RAP1GDS1: variants seen among roughly 807,000 people sequenced by gnomAD.
The protein encoded by RAP1GDS1 is RAP1, GTP-GDP dissociation stimulator 1.
RAP1GDS1 carries 35 observed loss-of-function variants against 71.1 expected under a neutral mutation model. The observed-to-expected ratio is 0.49, with a 90% CI of 0.38 to 0.65. The LOEUF (loss-of-function observed/expected upper bound fraction) is 0.65, where lower values mean the gene tolerates loss of function less well. Among genes scored for constraint, RAP1GDS1 ranks in the 30% least tolerant of loss-of-function variants. The probability of loss-of-function intolerance (pLI) is 0.00; values close to 1 mark genes in which losing one functional copy is unlikely to be tolerated. For missense variants in RAP1GDS1, 663 were observed against 706.1 expected (o/e 0.94, Z 0.69); for synonymous variants, 229 against 243.1 (o/e 0.94, Z 0.54).
intron 1 of RAP1GDS1, among the ~76,000 whole-genome samples, chr4:98,275,861 T>C (rs1292184807): frequency 6.6e-6 from 1 of 152,184 alleles, no homozygotes; most frequent in African/African-American, 2.4e-5. Context: ...CTCTTTACTG[T>C]AAACATGTAA....
At chr4:98,349,890 T>C (rs759595115) in intron 3 of RAP1GDS1, among the ~76,000 whole-genome samples, 6 of 152,166 alleles carry the variant, frequency 3.9e-5, no homozygotes, top group Non-Finnish European at 8.8e-5. Flanking sequence ...TCTTTAAAAT[T>C]AGCTAGCGAG....
intron 4 of RAP1GDS1, among the ~76,000 whole-genome samples, chr4:98,357,007 C>A (rs1738069303): frequency 6.6e-6 from 1 of 151,710 alleles, no homozygotes. Context: ...ATAGTTCTTA[C>A]TGCAAATACT....
intron 6 of RAP1GDS1, among the ~76,000 whole-genome samples, chr4:98,393,643 T>G (rs1744068195): frequency 6.6e-6 from 1 of 152,204 alleles, no homozygotes; most frequent in Non-Finnish European, 1.5e-5. Flanking sequence ...GCTGTTACAT[T>G]TTAATGTGAG....
chr4:98,429,944 T>C (rs1158949423), intron 12 of RAP1GDS1, among the ~76,000 whole-genome samples: 7 of 151,968 alleles, frequency 4.6e-5, no homozygotes, highest in Admixed American at 4.6e-4. Flanking sequence ...CACAAAAATA[T>C]GTCCACAGGA....
intron 2 of RAP1GDS1, among the ~76,000 whole-genome samples, chr4:98,323,867 C>T (rs1449731557): frequency 6.9e-6 from 1 of 145,382 alleles, no homozygotes; most frequent in Non-Finnish European, 1.5e-5. Flanking sequence ...TGGCACAAGA[C>T]AGGGATGCCC....
chr4:98,285,060 C>T (rs1725773432), intron 1 of RAP1GDS1, among the ~76,000 whole-genome samples: 2 of 151,980 alleles, frequency 1.3e-5, no homozygotes, highest in Non-Finnish European at 2.9e-5. Flanking sequence ...AATCTATGAG[C>T]GTAATAAAAT....
intron 6 of RAP1GDS1, among the ~76,000 whole-genome samples, chr4:98,399,603 T>A (rs878988067): frequency 6.6e-6 from 1 of 152,150 alleles, no homozygotes; most frequent in Non-Finnish European, 1.5e-5. Flanking sequence ...CCAGTCCCAT[T>A]TTTAAAATGG....
chr4:98,417,583 A>C, intron 9 of RAP1GDS1, 85 bp downstream of exon 9: 4 of 1,380,028 alleles, frequency 2.9e-6, no homozygotes, highest in Non-Finnish European at 4.0e-6. Flanking sequence ...TAAAACTGGA[A>C]CAGTTTAGAA....
chr4:98,316,025 A>G (rs1730887064), intron 2 of RAP1GDS1, among the ~76,000 whole-genome samples: 2 of 151,984 alleles, frequency 1.3e-5, no homozygotes, highest in African/African-American at 4.8e-5. Flanking sequence ...ATTATAAATT[A>G]TGAATTTGTA....
chr4:98,346,544 A>T (rs1302279210), intron 3 of RAP1GDS1, among the ~76,000 whole-genome samples: 1 of 151,994 alleles, frequency 6.6e-6, no homozygotes, highest in African/African-American at 2.4e-5. Context: ...GTCATTTTGT[A>T]AGAATGATTA....
intron 1 of RAP1GDS1, among the ~76,000 whole-genome samples, chr4:98,272,470 C>T (rs1417113650): frequency 6.6e-6 from 1 of 152,088 alleles, no homozygotes; most frequent in Non-Finnish European, 1.5e-5. Context: ...TGAGGCAAAA[C>T]TTCATAGCTC....
At chr4:98,418,298 G>C (rs1187153784) in intron 9 of RAP1GDS1, among the ~76,000 whole-genome samples, 1 of 152,126 alleles carries the variant, frequency 6.6e-6, no homozygotes, top group Non-Finnish European at 1.5e-5. Context: ...AGCCATGATA[G>C]CAAAAGGTAG....
At chr4:98,355,771 G>A (rs893061296) in intron 4 of RAP1GDS1, among the ~76,000 whole-genome samples, 2 of 152,094 alleles carry the variant, frequency 1.3e-5, no homozygotes, top group African/African-American at 4.8e-5. Flanking sequence ...GCCCATTTTA[G>A]GAACTTTTCC....
chr4:98,273,887 T>A (rs1227181938), intron 1 of RAP1GDS1, among the ~76,000 whole-genome samples: 1 of 152,204 alleles, frequency 6.6e-6, no homozygotes, highest in African/African-American at 2.4e-5. Context: ...CTCAATTGCA[T>A]GGTTAAATGG....
chr4:98,428,215 G>A (rs938543725), intron 12 of RAP1GDS1, among the ~76,000 whole-genome samples: 2 of 152,034 alleles, frequency 1.3e-5, no homozygotes, highest in Non-Finnish European at 2.9e-5. Context: ...GATGGATCAA[G>A]GACTTAAATC....
At position 98,408,104 on chromosome 4, in the gene RAP1GDS1, ATT is replaced by A. The variant is rs56998297; in HGVS notation, c.763+3512_763+3513del. On this transcript the variant is annotated intron_variant, in intron 7 of 14. Transcript: ENST00000408927. ...GCCCATATATTTTATATATATATATATTTTTTTTTTTCCCTCCCCCGCAAGAT... is the reference window on the plus strand; with the variant it reads ...GCCCATATATTTTATATATATATATATTTTTTTTTCCCTCCCCCGCAAGAT... 2.9e-3 allele frequency among the ~76,000 whole-genome samples: 405 copies of A among 137,408 alleles called. 2 individuals carry two copies. The highest frequency in any genetic ancestry group is 0.011 in the African/African-American group (389 of 36,580). The allele number at this position is 137,408 out of a possible 152,430, so 90.1% of individuals were successfully genotyped here.
chr4:98,337,426 T>A (rs1252643160), intron 2 of RAP1GDS1, among the ~76,000 whole-genome samples: 1 of 152,212 alleles, frequency 6.6e-6, no homozygotes, highest in South Asian at 2.1e-4. Context: ...ATGACAGTTG[T>A]AGTAGGAAGA....
At position 98,404,471 on chromosome 4, in the gene RAP1GDS1, T is replaced by G; in HGVS notation, c.638-6T>G. 1 of 1,571,614 alleles carries G rather than the reference T, an allele frequency of 6.4e-7. No individual in the cohort carries two copies. Among genetic ancestry groups the G allele is most frequent in the Non-Finnish European group, 8.6e-7 (1 of 1,167,772 alleles). On this transcript the variant is annotated splice_polypyrimidine_tract_variant and splice_region_variant and intron_variant, in intron 6 of 14. Coordinates refer to ENST00000408927, the MANE Select transcript of RAP1GDS1 (RefSeq NM_001100427.2). ...TTGGTTTAAGTTTTTCTTTTTTATT[T>G]TACAGAGTCAAGTAAAGAACAGTTT...
rs1351412073 is a variant in RAP1GDS1 at position 98,443,558 on chromosome 4, AACATGTGATGCTAC to A, written c.*1446_*1459del. On this transcript the variant is annotated 3_prime_UTR_variant, in exon 15 of 15. Coordinates refer to ENST00000408927, the MANE Select transcript of RAP1GDS1 (RefSeq NM_001100427.2). ...AGGTGACAGTAGCTCCTTCCTCTCC[AACATGTGATGCTAC>A]ACATCTCTGTGGATAATCTAAGTTG... 1 of 225,224 alleles carries A rather than the reference AACATGTGATGCTAC, an allele frequency of 4.4e-6. No individual in the cohort carries two copies. The highest frequency in any genetic ancestry group is 8.8e-6 in the Non-Finnish European group (1 of 113,154). The allele number at this position is 225,224 out of a possible 1,614,324, so 14.0% of individuals were successfully genotyped here. A position where few individuals can be genotyped will look rare whatever the true frequency, so the allele number is the denominator to read the frequency against.
Sources: gnomAD v4.1 joint callset for allele counts (sites outside exome capture counted in the v4.1 genomes callset) on GRCh38, gnomAD v4.1.1 for gene constraint, MANE v1.5 for transcripts, NCBI Gene and HGNC (gene_info 2026-07-23, HGNC 2026-07-21) for gene names.